The following ZYG11A variants were observed in gnomAD, a reference collection of about 807,000 sequenced individuals.
ZYG11A encodes the protein protein zyg-11 homolog A.
In ZYG11A, 62 loss-of-function variants were observed where a neutral mutation model predicts 77.2. The ratio of observed to expected loss-of-function variants is 0.80; its 90% CI spans 0.65 to 0.99. The LOEUF (loss-of-function observed/expected upper bound fraction) is 0.99. Among genes scored for constraint, ZYG11A ranks in the 50% least tolerant of loss-of-function variants. The pLI, the probability that ZYG11A is intolerant of heterozygous loss-of-function variation, is 0.00. For missense variants in ZYG11A, 828 were observed against 896.8 expected (o/e 0.92, Z 0.98); for synonymous variants, 315 against 324.6 (o/e 0.97, Z 0.32).
At chr1:52,866,024 G>A (rs1553122564) in intron 5 of ZYG11A, among the ~76,000 whole-genome samples, 1 of 139,554 alleles carries the variant, frequency 7.2e-6, no homozygotes, top group Non-Finnish European at 1.5e-5. Context: ...TGCAAGCTCC[G>A]CCTCCCGGGT....
chr1:52,855,030 T>A (rs1645783706), intron 2 of ZYG11A, among the ~76,000 whole-genome samples: 1 of 151,986 alleles, frequency 6.6e-6, no homozygotes, highest in Non-Finnish European at 1.5e-5. Context: ...CCTGGCTGAT[T>A]TTTGTATTTT....
chr1:52,866,378 A>G, intron 5 of ZYG11A, 125 bp from the exon 6 acceptor site: 1 of 497,332 alleles, frequency 2.0e-6, no homozygotes. Context: ...TGAAAATTTA[A>G]TGCTGGTACA....
chr1:52,869,822 C>G (rs560863095), intron 8 of ZYG11A, among the ~76,000 whole-genome samples: 2,163 of 149,978 alleles, frequency 0.014, 83 homozygotes, highest in African/African-American at 0.051. Flanking sequence ...TAGGGGCGGC[C>G]GGGCAGAGGC....
At chr1:52,880,153 T>C (rs77858623) in intron 10 of ZYG11A, among the ~76,000 whole-genome samples, 2,742 of 149,994 alleles carry the variant, frequency 0.018, 85 homozygotes, top group African/African-American at 0.065. Flanking sequence ...CCCCTCTCAG[T>C]TGTGCTAAGA....
At chr1:52,855,915 C>CT (rs1645801493) in intron 2 of ZYG11A, among the ~76,000 whole-genome samples, 1 of 152,148 alleles carries the variant, frequency 6.6e-6, no homozygotes, top group African/African-American at 2.4e-5. Flanking sequence ...TTATTCTAAA[C>CT]TTTCTCTGCT....
In ZYG11A at chr1:52,867,743, C is replaced by G. The variant is rs1010663809; in HGVS notation, c.1508C>G (p.Thr503Arg). The G allele has an allele frequency of 2.6e-6, 4 of 1,551,466 alleles. No individual in the cohort carries two copies. In the South Asian group the frequency reaches 3.6e-5, roughly 14 times the overall value. The change falls in exon 8 of 14, where the codon ACG becomes AGG. Residue 503 changes from threonine (T) to arginine (R), a missense_variant. Transcript: ENST00000371528. ...ILALQLSPEQTAQLEELFMAV... is the reference protein window; with the variant it reads ...ILALQLSPEQRAQLEELFMAV... The stretch of plus-strand genomic sequence containing the variant: ...TGCTTATAGCTCTCACCTGAGCAAA[C>G]GGCACAGCTTGAAGAGCTTTTCATG...
In ZYG11A at chr1:52,889,874, G is replaced by T. The variant is rs541975249; in HGVS notation, c.2104+2821G>T. Among the ~76,000 whole-genome samples the T allele has an allele frequency of 2.6e-5, 4 of 151,792 alleles. No homozygotes were observed. In the East Asian group the frequency reaches 7.8e-4, roughly 30 times the overall value. ...CTACAGGCGCCCGCCACCATGCCCG[G>T]CTAAATTTTTTTGTATTTTTAGTAG... On this transcript the variant is annotated intron_variant, in intron 13 of 13. Transcript: ENST00000371528.
intron 6 of ZYG11A, 34 bp from the exon 7 acceptor site, chr1:52,867,505 T>C: frequency 7.2e-7 from 1 of 1,383,360 alleles, no homozygotes; most frequent in Non-Finnish European, 1.0e-6. Flanking sequence ...AAACTTTATA[T>C]ATAATTGTGA....
intron 4 of ZYG11A, among the ~76,000 whole-genome samples, chr1:52,861,390 T>G (rs1645924019): frequency 6.6e-6 from 1 of 152,230 alleles, no homozygotes; most frequent in South Asian, 2.1e-4. Context: ...TGAAAGGTCT[T>G]AAGAAAAACC....
intron 13 of ZYG11A, among the ~76,000 whole-genome samples, chr1:52,888,784 G>T (rs1053702437): frequency 6.6e-6 from 1 of 152,188 alleles, no homozygotes; most frequent in Non-Finnish European, 1.5e-5. Context: ...TCAGGCAACT[G>T]CCTACTTCCA....
intron 8 of ZYG11A, among the ~76,000 whole-genome samples, chr1:52,869,951 GGGCGGGGGGCTGACCC>G (rs1646115949): frequency 6.9e-6 from 1 of 144,452 alleles, no homozygotes; most frequent in African/African-American, 2.6e-5. Context: ...GTGGCTGGCC[GGGCGGGGGGCTGACCC>G]CCCCCCACCC....
intron 8 of ZYG11A, among the ~76,000 whole-genome samples, chr1:52,873,856 C>T (rs1051323320): frequency 1.1e-4 from 17 of 151,776 alleles, no homozygotes; most frequent in Non-Finnish European, 1.0e-4. Flanking sequence ...TGGTGGCGTG[C>T]GCCTGTAGTC....
Position 52,854,604 on chromosome 1 carries a change from G to T in ZYG11A, c.230G>T (p.Arg77Leu). Residue 77 changes from arginine (R) to leucine (L), a missense_variant, in exon 2 of 14, where the codon CGA becomes CTA. Transcript: ENST00000371528. ...HWSFPQEVAE[R>L]FLRVMTWQGK... ...AGTTTCCCTCAGGAAGTAGCCGAGC[G>T]ATTTCTCAGGGTGATGACTTGGCAA... 1 of 1,543,274 alleles carries T rather than the reference G, an allele frequency of 6.5e-7. No homozygotes were observed. The highest frequency in any genetic ancestry group is 8.8e-7 in the Non-Finnish European group (1 of 1,140,612).
In ZYG11A at chr1:52,860,589, G is replaced by A. The variant is rs76247126; in HGVS notation, c.1009-142G>A. ...TGGGATTACAGGCGTGAGCCACTGC[G>A]CCTGGCCAACACCTGGAACATTTAA... is the stretch of plus-strand genomic sequence containing the variant. On this transcript the variant is annotated intron_variant, in intron 3 of 13. Transcript: ENST00000371528. 1,105 of 906,756 alleles carry A rather than the reference G, an allele frequency of 1.2e-3. 14 individuals are homozygous for A. The East Asian group carries it at 0.026, about 21-fold the overall frequency. 56.2% of individuals were successfully genotyped at this position (906,756 alleles called of 1,614,324 possible). A position where few individuals can be genotyped will look rare whatever the true frequency, so the allele number is the denominator to read the frequency against.
chr1:52,857,269 C>T lies in ZYG11A; in HGVS notation c.528C>T (p.Phe176=). The change falls in exon 3 of 14, where the codon TTC becomes TTT. Residue 176 remains phenylalanine (F), a synonymous_variant. Transcript: ENST00000371528. ...TSIPQNSRLL[F]FSQLTGLRIL... is the part of the protein sequence containing the mutation. Reference sequence around the variant, plus strand: ...TCCCTCAAAATTCAAGATTACTGTTCTTTAGTCAGCTCACTGGTCTTCGCA... The same window carrying T: ...TCCCTCAAAATTCAAGATTACTGTTTTTTAGTCAGCTCACTGGTCTTCGCA... 1 of 1,552,152 alleles carries T rather than the reference C, an allele frequency of 6.4e-7. No individual in the cohort carries two copies. The highest frequency in any genetic ancestry group is 8.7e-7 in the Non-Finnish European group (1 of 1,147,132).
Position 52,842,935 on chromosome 1 carries a change from G to A in ZYG11A, c.52G>A (p.Asp18Asn), listed in dbSNP as rs773974324. ...GHTPRNIVPPDAQKDALGCCV... is the reference protein window; with the variant it reads ...GHTPRNIVPPNAQKDALGCCV... ...CACGCCCCGGAACATCGTCCCTCCT[G>A]ACGCTCAGAAGGATGCCCTGGGCTG... is the stretch of plus-strand genomic sequence containing the variant. The change falls in exon 1 of 14, where the codon GAC becomes AAC. Residue 18 changes from aspartate (D) to asparagine (N), a missense_variant. By Grantham distance (23) the Asp-to-Asn change is conservative (BLOSUM62 1). Transcript: ENST00000371528. 2.4e-5 allele frequency: 37 copies of A among 1,530,120 alleles called. 2 individuals are homozygous for A. The South Asian group carries it at 4.2e-4, about 17-fold the overall frequency. The allele number at this position is 1,530,120 out of a possible 1,614,324, so 94.8% of individuals were successfully genotyped here.
At chr1:52,867,680 T>C (rs759765195) in intron 7 of ZYG11A, 42 bp downstream of exon 7, 2 of 1,550,772 alleles carry the variant, frequency 1.3e-6, no homozygotes, top group South Asian at 2.4e-5. Context: ...CTCTCTAGTT[T>C]TTATACAGGT....
intron 4 of ZYG11A, among the ~76,000 whole-genome samples, chr1:52,863,070 G>A (rs1645960268): frequency 6.6e-6 from 1 of 152,016 alleles, no homozygotes; most frequent in African/African-American, 2.4e-5. Flanking sequence ...ATTTCTTTTG[G>A]TTTCTGGATT....
rs375741107 is a variant in ZYG11A, at chr1:52,857,173, C to T, written c.432C>T (p.Ile144=). 1.2e-5 allele frequency: 18 copies of T among 1,551,978 alleles called. No homozygotes were observed. Among genetic ancestry groups the T allele is most frequent in the Non-Finnish European group, 1.6e-5 (18 of 1,147,094 alleles). The change falls in exon 3 of 14, where the codon ATC becomes ATT. Residue 144 remains isoleucine (I), a synonymous_variant. Transcript: ENST00000371528. ...AVHADLPVPD[I]ISGLCSNRWI... is the part of the protein sequence containing the mutation. Reference sequence around the variant, plus strand: ...ACGCTGACCTCCCAGTTCCAGACATCATAAGTGGACTCTGCAGCAATAGGT... The same window carrying T: ...ACGCTGACCTCCCAGTTCCAGACATTATAAGTGGACTCTGCAGCAATAGGT...
Sources: gnomAD v4.1 joint callset for allele counts (sites outside exome capture counted in the v4.1 genomes callset) on GRCh38, gnomAD v4.1.1 for gene constraint, MANE v1.5 for transcripts, NCBI Gene and HGNC (gene_info 2026-07-23, HGNC 2026-07-21) for gene names.